Variants in LAMA3 observed in about 807,000 individuals in gnomAD.
LAMA3 encodes the protein laminin subunit alpha-3.
LAMA3 carries 281 observed loss-of-function variants against 402.0 expected under a neutral mutation model. That is an observed-to-expected ratio of 0.70 (90% CI 0.63 to 0.77). The LOEUF (loss-of-function observed/expected upper bound fraction) is 0.77, where lower values mean the gene tolerates loss of function less well. Among genes scored for constraint, LAMA3 ranks in the 30% least tolerant of loss-of-function variants. The probability of loss-of-function intolerance (pLI) is 0.00; values close to 1 mark genes in which losing one functional copy is unlikely to be tolerated. For synonymous variants in LAMA3, 1,431 were observed against 1,558.4 expected (o/e 0.92, Z 1.93); for missense variants, 3,840 against 4,215.5 (o/e 0.91, Z 2.47).
At chr18:23,905,116 T>C (rs2081199041) in intron 51 of LAMA3, among the ~76,000 whole-genome samples, 1 of 152,174 alleles carries the variant, frequency 6.6e-6, no homozygotes, top group Non-Finnish European at 1.5e-5. Flanking sequence ...AATTCCTATA[T>C]CTGAAAATAA....
At chr18:23,737,573 C>A (rs1178692222) in intron 2 of LAMA3, among the ~76,000 whole-genome samples, 1 of 152,214 alleles carries the variant, frequency 6.6e-6, no homozygotes. Flanking sequence ...CAAGAGTTCA[C>A]CTGGGATGTG....
intron 59 of LAMA3, among the ~76,000 whole-genome samples, chr18:23,915,742 A>G (rs991189500): frequency 6.6e-6 from 1 of 152,188 alleles, no homozygotes; most frequent in Non-Finnish European, 1.5e-5. Flanking sequence ...TTAGTGGCTC[A>G]TGCCTGTAAT....
In LAMA3 at chr18:23,928,231, AG is replaced by A. The variant is rs1437265214; in HGVS notation, c.8287del (p.Asp2763ThrfsTer16). 6.2e-7 allele frequency: 1 copy of A among 1,601,448 alleles called. No individual in the cohort carries two copies. The highest frequency in any genetic ancestry group is 1.3e-5 in the African/African-American group (1 of 74,654). On this transcript the variant is annotated frameshift_variant, in exon 63 of 75. Transcript: ENST00000313654. LOFTEE classifies it high-confidence loss of function. Reference sequence around the variant, plus strand: ...TGGGAGTAACCAAAAAGTGCTCGGAAGACTGGAAGGTAAGTGAAAGTTCAGA... The same window carrying A: ...TGGGAGTAACCAAAAAGTGCTCGGAAACTGGAAGGTAAGTGAAAGTTCAGA... ...TVGVTKKCSE[D>X]WKLVRSASFS...
At position 23,916,473 on chromosome 18, in the gene LAMA3, ACATCTTGTATTAATAAGCACACTGG is replaced by A. The variant is rs1442426913; in HGVS notation, c.7779-74_7779-50del. On this transcript the variant is annotated intron_variant, in intron 59 of 74. Coordinates refer to ENST00000313654, the MANE Select transcript of LAMA3 (RefSeq NM_198129.4). The stretch of plus-strand genomic sequence containing the variant: ...TCTTGGCTCCATTTTTCAGATAGCA[ACATCTTGTATTAATAAGCACACTGG>A]CATGGTGATCATTTGCTGCTGTGTT... 4 of 1,520,854 alleles carry A rather than the reference ACATCTTGTATTAATAAGCACACTGG, an allele frequency of 2.6e-6. No homozygotes were observed. In the African/African-American group the frequency reaches 5.5e-5, roughly 21 times the overall value. The allele number at this position is 1,520,854 out of a possible 1,614,324, so 94.2% of individuals were successfully genotyped here. A position where few individuals can be genotyped will look rare whatever the true frequency, so the allele number is the denominator to read the frequency against.
intron 23 of LAMA3, among the ~76,000 whole-genome samples, chr18:23,828,523 G>T (rs2063429787): frequency 6.6e-6 from 1 of 152,002 alleles, no homozygotes; most frequent in African/African-American, 2.4e-5. Flanking sequence ...GTATATAGGT[G>T]TACATACATA....
chr18:23,705,770 G>A (rs529666434), intron 1 of LAMA3, among the ~76,000 whole-genome samples: 1 of 152,156 alleles, frequency 6.6e-6, no homozygotes, highest in Non-Finnish European at 1.5e-5. Context: ...CTCCCACCTT[G>A]GCCTCCCAAA....
intron 63 of LAMA3, among the ~76,000 whole-genome samples, 172 bp downstream of exon 63, chr18:23,928,412 C>CA (rs1264242407): frequency 6.6e-6 from 1 of 152,174 alleles, no homozygotes; most frequent in African/African-American, 2.4e-5. Context: ...CAGGTTTGCA[C>CA]ATTAACTTTG....
chr18:23,890,142 A>C, intron 42 of LAMA3, 25 bp downstream of exon 42: 1 of 1,456,276 alleles, frequency 6.9e-7, no homozygotes, highest in East Asian at 2.3e-5. Flanking sequence ...CACCCCTGCT[A>C]ACTTGCATTT....
chr18:23,712,641 T>C (rs2061017162), intron 1 of LAMA3, among the ~76,000 whole-genome samples: 1 of 118,408 alleles, frequency 8.4e-6, no homozygotes, highest in African/African-American at 3.2e-5. Flanking sequence ...TGTCGAAAGA[T>C]AAAGATCTAC....
chr18:23,897,556 G>T (rs1350992787), intron 44 of LAMA3, among the ~76,000 whole-genome samples: 1 of 152,152 alleles, frequency 6.6e-6, no homozygotes, highest in East Asian at 1.9e-4. Flanking sequence ...ACCTAGTGTT[G>T]TTCTCATTAA....
chr18:23,753,903 T>C, intron 6 of LAMA3, 91 bp downstream of exon 6: 2 of 863,038 alleles, frequency 2.3e-6, no homozygotes, highest in Non-Finnish European at 3.9e-6. Flanking sequence ...TGTTTCTAGG[T>C]TCCTGTCCTC....
At chr18:23,932,499 C>A in intron 66 of LAMA3, 1 of 523,396 alleles carries the variant, frequency 1.9e-6, no homozygotes, top group Non-Finnish European at 3.4e-6. Context: ...TTTGGAGGAG[C>A]AGCGTTAGCA....
chr18:23,881,313 G>C (rs1598990171), intron 39 of LAMA3, among the ~76,000 whole-genome samples: 1 of 152,180 alleles, frequency 6.6e-6, no homozygotes, highest in African/African-American at 2.4e-5. Context: ...ATTCAGTTGA[G>C]TATTTTCTTC....
At chr18:23,953,192 T>C (rs1222452348) in intron 74 of LAMA3, 83 bp downstream of exon 74, 2 of 1,573,172 alleles carry the variant, frequency 1.3e-6, no homozygotes, top group Non-Finnish European at 1.7e-6. Flanking sequence ...AGGGCAGCTC[T>C]TGGCTGGACA....
intron 61 of LAMA3, 64 bp downstream of exon 61, chr18:23,921,118 G>C: frequency 1.3e-6 from 2 of 1,531,564 alleles, no homozygotes; most frequent in Non-Finnish European, 9.0e-7. Flanking sequence ...AATTAAGTCA[G>C]TGCCCCCAAA....
At position 23,842,811 on chromosome 18, in the gene LAMA3, T is replaced by C. The variant is rs944307473; in HGVS notation, c.3603+61T>C. Reference sequence around the variant, plus strand: ...TGCCTGCCTGGCTGGCCATTCTGGGTGTCTGTTTAGCTCATGGAAATAATT... The same window carrying C: ...TGCCTGCCTGGCTGGCCATTCTGGGCGTCTGTTTAGCTCATGGAAATAATT... On this transcript the variant is annotated intron_variant, in intron 29 of 74. Coordinates refer to ENST00000313654, the MANE Select transcript of LAMA3 (RefSeq NM_198129.4). 8 of 1,600,792 alleles carry C rather than the reference T, an allele frequency of 5.0e-6. No homozygotes were observed. The African/African-American group carries it at 1.1e-4, about 21-fold the overall frequency.
intron 1 of LAMA3, among the ~76,000 whole-genome samples, chr18:23,704,042 T>C (rs2060839816): frequency 6.6e-6 from 1 of 152,192 alleles, no homozygotes; most frequent in South Asian, 2.1e-4. Flanking sequence ...CACCATGGCC[T>C]CCGGAACCTT....
chr18:23,698,822 G>A (rs1318177118), intron 1 of LAMA3, among the ~76,000 whole-genome samples: 7 of 152,212 alleles, frequency 4.6e-5, no homozygotes, highest in Admixed American at 2.0e-4. Context: ...CAGTTACAAG[G>A]CAGAAAAGAC....
At chr18:23,946,494 G>A in intron 70 of LAMA3, 1 of 603,440 alleles carries the variant, frequency 1.7e-6, no homozygotes, top group South Asian at 2.0e-5. Flanking sequence ...TTGAGACGCA[G>A]GCCCTGAAAG....
Sources: gnomAD v4.1 joint callset for allele counts (sites outside exome capture counted in the v4.1 genomes callset) on GRCh38, gnomAD v4.1.1 for gene constraint, MANE v1.5 for transcripts, NCBI Gene and HGNC (gene_info 2026-07-23, HGNC 2026-07-21) for gene names.